Variants in KCTD1 observed in about 807,000 individuals in gnomAD.
The protein encoded by KCTD1 is BTB/POZ domain-containing protein KCTD1.
KCTD1 carries 24 observed loss-of-function variants against 66.0 expected under a neutral mutation model. The observed-to-expected ratio is 0.36, with a 90% confidence interval of 0.26 to 0.51. The LOEUF (loss-of-function observed/expected upper bound fraction) is 0.51, where lower values mean the gene tolerates loss of function less well. KCTD1 is among the 20% of genes least tolerant of loss of function. The pLI, the probability that KCTD1 is intolerant of heterozygous loss-of-function variation, is 0.95. For synonymous variants in KCTD1, 511 were observed against 517.2 expected, an observed-to-expected ratio of 0.99 and a Z score of 0.16; for missense variants, 943 against 1,205.2, an observed-to-expected ratio of 0.78 and a Z score of 3.22.
At chr18:26,507,686 T>C (rs991861813) in intron 1 of KCTD1, among the ~76,000 whole-genome samples, 4 of 152,156 alleles carry the variant, frequency 2.6e-5, no homozygotes, top group African/African-American at 9.7e-5. Context: ...TTCTCCCTTC[T>C]TTACTGACAC....
chr18:26,550,818 T>G (rs1316008600), upstream of KCTD1, among the ~76,000 whole-genome samples: 2 of 152,236 alleles, frequency 1.3e-5, no homozygotes, highest in African/African-American at 4.8e-5. The surrounding 1 kb of genome is among the most constrained non-coding windows in gnomAD (Gnocchi z 5.4). Context: ...CACACACTAG[T>G]CACACACGGC....
At chr18:26,542,993 T>C (rs1173496110) in intron 1 of KCTD1, 1 of 139,888 alleles carries the variant, frequency 7.1e-6, no homozygotes, top group Non-Finnish European at 1.6e-5. Context: ...TGTCTTTATT[T>C]TGATCTAGTT....
At chr18:26,647,554 AG>A (rs1385754295) in intron 1 of KCTD1, among the ~76,000 whole-genome samples, 7 of 141,334 alleles carry the variant, frequency 5.0e-5, no homozygotes, top group Non-Finnish European at 1.1e-4. Context: ...AAAAAAAAAA[AG>A]GGCTGAATTC....
intron 1 of KCTD1, among the ~76,000 whole-genome samples, chr18:26,597,367 A>G (rs1248140370): frequency 6.6e-6 from 1 of 152,082 alleles, no homozygotes; most frequent in Non-Finnish European, 1.5e-5. Context: ...TTGTGCAGGG[A>G]GGGGCAGCAG....
At chr18:26,488,416 G>A (rs1336956030) in intron 2 of KCTD1, among the ~76,000 whole-genome samples, 1 of 151,808 alleles carries the variant, frequency 6.6e-6, no homozygotes, top group African/African-American at 2.4e-5. Flanking sequence ...GACTGTTTGT[G>A]TTGCTTTGAG....
chr18:26,612,954 G>T (rs554611994), intron 1 of KCTD1, among the ~76,000 whole-genome samples: 1 of 152,308 alleles, frequency 6.6e-6, no homozygotes, highest in Admixed American at 6.5e-5. Context: ...GCTGGAAGCA[G>T]AAGTCCTCAC....
chr18:26,558,254 A>G lies in KCTD1; in HGVS notation c.-15-57004T>C, dbSNP rs528865203. On this transcript the variant is annotated intron_variant, in intron 1 of 4. Transcript: ENST00000317932. ...AAATATAAATCAAAACTACAATGAG[A>G]TATCATCTCACCCCAGTTAAAATGG... 3.9e-5 allele frequency among the ~76,000 whole-genome samples: 6 copies of G among 152,346 alleles called. No individual in the cohort carries two copies. In the East Asian group the frequency reaches 5.8e-4, roughly 15 times the overall value.
At chr18:26,555,360 G>C (rs1985682007) in intron 1 of KCTD1, among the ~76,000 whole-genome samples, 1 of 152,178 alleles carries the variant, frequency 6.6e-6, no homozygotes, top group African/African-American at 2.4e-5. Flanking sequence ...GGGAGGCGAA[G>C]GTTGCAATGA....
At chr18:26,653,866 C>T (rs3886639) in intron 1 of KCTD1, among the ~76,000 whole-genome samples, 72,683 of 152,066 alleles carry the variant, frequency 0.48, 17,811 homozygotes, top group Non-Finnish European at 0.55. Context: ...AAAAATTTCA[C>T]TTTTATTCCC....
intron 1 of KCTD1, among the ~76,000 whole-genome samples, chr18:26,514,869 T>A (rs1313629178): frequency 6.6e-6 from 1 of 152,210 alleles, no homozygotes; most frequent in African/African-American, 2.4e-5. Flanking sequence ...CTTGGAATAT[T>A]TTGGAGAGGA....
Position 26,547,701 on chromosome 18 carries a change from A to G in KCTD1, c.836T>C (p.Val279Ala). The change falls in exon 1 of 5, where the codon GTG (valine) becomes GCG (alanine). Residue 279 changes from valine to alanine, a missense_variant. Physicochemically the swap from Val to Ala is moderately conservative, Grantham distance 64. This residue lies in a region of KCTD1 where 61 missense variants were observed against 109.6 expected (regional missense o/e 0.56). Coordinates refer to ENST00000580059, the MANE Select transcript of KCTD1 (RefSeq NM_001142730.3). ...GGCGCGCGTGATGGCTTGCTTCTGC[A>G]CCACCGGCCCGGCGCCCTGCTCCTC... ...KLEEQGAGPV[V>A]QKQAITRADL... 6.5e-7 allele frequency: 1 copy of G among 1,550,270 alleles called. No homozygotes were observed. Among genetic ancestry groups the G allele is most frequent in the Non-Finnish European group, 8.7e-7 (1 of 1,146,900 alleles).
chr18:26,627,511 T>C (rs186717368), intron 1 of KCTD1, among the ~76,000 whole-genome samples: 1 of 152,280 alleles, frequency 6.6e-6, no homozygotes, highest in East Asian at 1.9e-4. Context: ...ACAATATAGT[T>C]CAATTGTGCA....
At position 26,548,052 on chromosome 18, in the gene KCTD1, C is replaced by T. The variant is rs758840036; in HGVS notation, c.485G>A (p.Arg162His). The change falls in exon 1 of 5, where the codon CGC (arginine) becomes CAC (histidine). Residue 162 changes from arginine (R) to histidine (H), a missense_variant. Physicochemically the swap from Arg to His is conservative, Grantham distance 29 (BLOSUM62 0). Coordinates refer to ENST00000580059, the MANE Select transcript of KCTD1 (RefSeq NM_001142730.3). Reference sequence around the variant, plus strand: ...CTCGCTCAGCCGGGCCCGCTCGGGGCGCTGCAGCACGTCGGGGTCCAGCTC... The same window carrying T: ...CTCGCTCAGCCGGGCCCGCTCGGGGTGCTGCAGCACGTCGGGGTCCAGCTC... ...GSELDPDVLQ[R>H]PERARLSENT... 26 of 1,500,668 alleles carry T rather than the reference C, an allele frequency of 1.7e-5. No homozygotes were observed. Among genetic ancestry groups the T allele is most frequent in the Non-Finnish European group, 2.2e-5 (25 of 1,126,482 alleles). 93.0% of individuals were successfully genotyped at this position (1,500,668 alleles called of 1,614,324 possible).
chr18:26,654,819 C>T (rs1168182061), intron 1 of KCTD1, among the ~76,000 whole-genome samples: 2 of 152,150 alleles, frequency 1.3e-5, no homozygotes, highest in African/African-American at 2.4e-5. Context: ...AACATTTAAC[C>T]TACTGTCATC....
intron 1 of KCTD1, among the ~76,000 whole-genome samples, chr18:26,557,746 C>G (rs1985741159): frequency 6.6e-6 from 1 of 152,156 alleles, no homozygotes; most frequent in African/African-American, 2.4e-5. Context: ...AAATTGAATG[C>G]AAGTTGTGAA....
intron 1 of KCTD1, among the ~76,000 whole-genome samples, chr18:26,606,180 T>G (rs972385507): frequency 1.8e-4 from 28 of 152,064 alleles, no homozygotes; most frequent in Admixed American, 1.4e-3. Context: ...TCATGTAGAT[T>G]AAGCCTTCAG....
At chr18:26,506,487 C>T (rs916572257) in intron 1 of KCTD1, among the ~76,000 whole-genome samples, 1 of 152,112 alleles carries the variant, frequency 6.6e-6, no homozygotes, top group Non-Finnish European at 1.5e-5. Context: ...TCCCAAGGCT[C>T]CAAAGTGGGA....
At chr18:26,541,419 T>A (rs1048373888) in intron 1 of KCTD1, among the ~76,000 whole-genome samples, 5 of 152,240 alleles carry the variant, frequency 3.3e-5, no homozygotes, top group Admixed American at 3.3e-4. Context: ...CTCCCACCTC[T>A]GTTATTTTTG....
chr18:26,466,499 A>G (rs1188054560), intron 3 of KCTD1, among the ~76,000 whole-genome samples: 1 of 152,054 alleles, frequency 6.6e-6, no homozygotes, highest in African/African-American at 2.4e-5. Flanking sequence ...GTCTGGAGAC[A>G]CTCTTGGTTG....
Sources: gnomAD v4.1 joint callset for allele counts (sites outside exome capture counted in the v4.1 genomes callset) on GRCh38, gnomAD v4.1.1 for gene constraint, gnomAD v4.1.1 regional missense constraint, Gnocchi (gnomAD v3.1) non-coding constraint, MANE v1.5 for transcripts, NCBI Gene and HGNC (gene_info 2026-07-23, HGNC 2026-07-21) for gene names.